Variants in RIN2 observed in about 807,000 individuals in gnomAD.
The protein encoded by RIN2 is Ras and Rab interactor 2.
Under a neutral mutation model 78.0 loss-of-function variants are expected in RIN2, and 36 were observed. The ratio of observed to expected loss-of-function variants is 0.46; its 90% CI spans 0.35 to 0.61. The LOEUF is 0.61. RIN2 is among the 20% of genes least tolerant of loss of function. RIN2 has a pLI of 0.00. For synonymous variants in RIN2, 466 were observed against 466.8 expected, an observed-to-expected ratio of 1.00 and a Z score of 0.02; for missense variants, 1,087 against 1,159.7, an observed-to-expected ratio of 0.94 and a Z score of 0.91.
chr20:19,802,047 C>CA (rs1308852764), intron 2 of RIN2, among the ~76,000 whole-genome samples: 1 of 152,088 alleles, frequency 6.6e-6, no homozygotes, highest in African/African-American at 2.4e-5. Flanking sequence ...GTTATCCGAG[C>CA]AAAAAATATT....
chr20:19,990,916 T>C (rs1032986975), intron 10 of RIN2, among the ~76,000 whole-genome samples: 31 of 152,334 alleles, frequency 2.0e-4, no homozygotes, highest in Admixed American at 1.2e-3. Flanking sequence ...AGCAATATAA[T>C]TGAAATTCAC....
intron 4 of RIN2, among the ~76,000 whole-genome samples, chr20:19,951,810 G>T (rs980182378): frequency 6.6e-6 from 1 of 152,152 alleles, no homozygotes; most frequent in Middle Eastern, 3.2e-3. Context: ...CCTGAGCTTG[G>T]CTCTGTGGCC....
chr20:19,910,417 T>C (rs1183191685), intron 3 of RIN2, among the ~76,000 whole-genome samples: 1 of 151,890 alleles, frequency 6.6e-6, no homozygotes. Flanking sequence ...AAGTCGTCTG[T>C]TCACCTTGGC....
chr20:19,789,846 G>T (rs182010402), intron 1 of RIN2, among the ~76,000 whole-genome samples: 1 of 152,306 alleles, frequency 6.6e-6, no homozygotes, highest in Admixed American at 6.5e-5. Flanking sequence ...GTTGCAATTT[G>T]TCTTCCTCTA....
intron 2 of RIN2, among the ~76,000 whole-genome samples, chr20:19,848,331 G>A (rs1404488642): frequency 6.6e-6 from 1 of 151,882 alleles, no homozygotes; most frequent in South Asian, 2.1e-4. Flanking sequence ...TCAGGAGATC[G>A]AGACCATCCT....
chr20:19,764,917 C>A (rs6112563), intron 1 of RIN2, among the ~76,000 whole-genome samples: 1 of 114,154 alleles, frequency 8.8e-6, no homozygotes, highest in African/African-American at 3.7e-5. Context: ...TCACTTTCTG[C>A]GTTTTTTTTT....
intron 11 of RIN2, among the ~76,000 whole-genome samples, chr20:19,995,261 TAAAAA>T (rs74180976): frequency 1.6e-5 from 2 of 122,706 alleles, no homozygotes; most frequent in Admixed American, 8.2e-5. Context: ...GTTTTTTTTT[TAAAAA>T]AAAAAAAAAA....
intron 2 of RIN2, among the ~76,000 whole-genome samples, chr20:19,829,804 C>A (rs374955493): frequency 2.0e-5 from 3 of 152,152 alleles, no homozygotes; most frequent in African/African-American, 7.2e-5. Flanking sequence ...ATTGGGAGAC[C>A]CCCTCAGGGC....
chr20:19,836,045 G>A (rs1020202733), intron 2 of RIN2, among the ~76,000 whole-genome samples: 4 of 152,210 alleles, frequency 2.6e-5, no homozygotes, highest in Admixed American at 1.3e-4. Flanking sequence ...CAGATAAGTC[G>A]CCCTGTTCTG....
intron 4 of RIN2, among the ~76,000 whole-genome samples, chr20:19,942,818 A>G (rs1360109762): frequency 2.0e-5 from 3 of 152,124 alleles, no homozygotes; most frequent in Admixed American, 6.5e-5. Flanking sequence ...ACACAATGTC[A>G]CCAGCAGCAT....
At chr20:19,850,428 G>T (rs1341882644) in intron 2 of RIN2, among the ~76,000 whole-genome samples, 1 of 152,142 alleles carries the variant, frequency 6.6e-6, no homozygotes, top group East Asian at 1.9e-4. Flanking sequence ...ACTCTGGCTG[G>T]ACTCTAGACA....
chr20:19,898,872 C>T (rs1384276281), intron 3 of RIN2, among the ~76,000 whole-genome samples: 1 of 152,100 alleles, frequency 6.6e-6, no homozygotes, highest in Non-Finnish European at 1.5e-5. Flanking sequence ...TAATAAACAA[C>T]TCTGGGGTGA....
intron 11 of RIN2, among the ~76,000 whole-genome samples, chr20:19,993,754 AG>A (rs2042870398): frequency 6.6e-6 from 1 of 152,118 alleles, no homozygotes; most frequent in Non-Finnish European, 1.5e-5. Context: ...GGTTTTGCCC[AG>A]GGACCAAGAG....
chr20:19,776,169 C>T (rs1010950831), intron 1 of RIN2, among the ~76,000 whole-genome samples: 1 of 152,154 alleles, frequency 6.6e-6, no homozygotes, highest in Admixed American at 6.5e-5. Context: ...TAGCTCAGGC[C>T]ATGATGGGAA....
At chr20:19,822,509 C>T (rs1202844154) in intron 2 of RIN2, among the ~76,000 whole-genome samples, 1 of 152,178 alleles carries the variant, frequency 6.6e-6, no homozygotes, top group Non-Finnish European at 1.5e-5. Context: ...TGCTCTCTTG[C>T]TCATCTTTCC....
At chr20:19,952,992 C>G (rs1259055992) in intron 4 of RIN2, among the ~76,000 whole-genome samples, 1 of 152,178 alleles carries the variant, frequency 6.6e-6, no homozygotes, top group African/African-American at 2.4e-5. Flanking sequence ...CTGGCTCACC[C>G]CACACCTGCA....
intron 2 of RIN2, among the ~76,000 whole-genome samples, chr20:19,846,352 A>G (rs2036783452): frequency 2.6e-5 from 4 of 152,146 alleles, no homozygotes; most frequent in Admixed American, 2.6e-4. Flanking sequence ...GATTCTTCCT[A>G]TCCATGAGCA....
Position 19,974,667 on chromosome 20 carries a change from C to T in RIN2, c.642C>T (p.Ser214=), listed in dbSNP as rs367588564. The part of the protein sequence containing the change: ...LAQMGLNFWS[S]PADSKPPNLP... ...AATGACTTTCAGATTTCTGGAGCTC[C>T]CCAGCTGACAGCAAACCCCCGAACC... Residue 214 remains serine (S), a synonymous_variant, in exon 9 of 13, where the codon TCC becomes TCT. Transcript: ENST00000255006. 3.1e-6 allele frequency: 5 copies of T among 1,612,314 alleles called. No homozygotes were observed. Among genetic ancestry groups the T allele is most frequent in the African/African-American group, 2.7e-5 (2 of 74,832 alleles).
intron 2 of RIN2, among the ~76,000 whole-genome samples, chr20:19,867,043 T>C (rs1180528063): frequency 6.6e-6 from 1 of 152,200 alleles, no homozygotes; most frequent in African/African-American, 2.4e-5. Flanking sequence ...CATTTTTACA[T>C]TTTTAAATAA....
Sources: gnomAD v4.1 joint callset for allele counts (sites outside exome capture counted in the v4.1 genomes callset) on GRCh38, gnomAD v4.1.1 for gene constraint, MANE v1.5 for transcripts, NCBI Gene and HGNC (gene_info 2026-07-23, HGNC 2026-07-21) for gene names.